CNTNAP2: variants seen among roughly 807,000 people sequenced by gnomAD.
CNTNAP2 encodes contactin-associated protein-like 2.
A neutral mutation model predicts 155.2 loss-of-function variants in CNTNAP2; 98 were observed. The observed-to-expected ratio is 0.63, with a 90% CI of 0.54 to 0.75. CNTNAP2 has a LOEUF of 0.75. CNTNAP2 is among the 30% of genes least tolerant of loss of function. CNTNAP2 has a pLI of 0.00. For missense variants in CNTNAP2, 1,727 were observed against 1,688.1 expected (o/e 1.02, Z -0.40); for synonymous variants, 651 against 631.2 (o/e 1.03, Z -0.47).
At chr7:148,285,585 T>G (rs1797066112) in intron 21 of CNTNAP2, among the ~76,000 whole-genome samples, 1 of 152,254 alleles carries the variant, frequency 6.6e-6, no homozygotes, top group Non-Finnish European at 1.5e-5. Context: ...GGCACTACAT[T>G]ATCACTAATT....
At chr7:146,830,400 A>C (rs1366803599) in intron 2 of CNTNAP2, among the ~76,000 whole-genome samples, 1 of 151,966 alleles carries the variant, frequency 6.6e-6, no homozygotes, top group East Asian at 1.9e-4. Flanking sequence ...TGGCTGTTAC[A>C]CTGTTATGTT....
At chr7:146,913,945 A>G (rs940469729) in intron 3 of CNTNAP2, among the ~76,000 whole-genome samples, 4 of 151,872 alleles carry the variant, frequency 2.6e-5, no homozygotes, top group Non-Finnish European at 4.4e-5. Flanking sequence ...CCCTTGTAAC[A>G]TTCTTATGCC....
At chr7:146,220,250 C>A (rs928528499) in intron 1 of CNTNAP2, among the ~76,000 whole-genome samples, 5 of 150,712 alleles carry the variant, frequency 3.3e-5, no homozygotes, top group Admixed American at 2.7e-4. Context: ...AAGATGTTTG[C>A]CCTTCATGAA....
At chr7:146,568,792 G>T (rs928177662) in intron 1 of CNTNAP2, among the ~76,000 whole-genome samples, 1 of 152,114 alleles carries the variant, frequency 6.6e-6, no homozygotes, top group African/African-American at 2.4e-5. Context: ...AAGCCAAACA[G>T]ACTTGTGTTT....
chr7:146,879,059 A>G (rs946936165), intron 3 of CNTNAP2, among the ~76,000 whole-genome samples: 1 of 152,302 alleles, frequency 6.6e-6, no homozygotes, highest in Middle Eastern at 3.4e-3. Context: ...GCTTGTAGTA[A>G]CTGCTCCATA....
At chr7:148,393,428 T>C (rs1252140847) in intron 22 of CNTNAP2, among the ~76,000 whole-genome samples, 1 of 152,218 alleles carries the variant, frequency 6.6e-6, no homozygotes, top group African/African-American at 2.4e-5. Flanking sequence ...AGATCCAAAT[T>C]CCACTTTTCC....
At chr7:146,768,298 A>T (rs1363382625) in intron 1 of CNTNAP2, among the ~76,000 whole-genome samples, 1 of 151,526 alleles carries the variant, frequency 6.6e-6, no homozygotes, top group Non-Finnish European at 1.5e-5. Context: ...GCAGCACAGC[A>T]GTTCCTCAAG....
chr7:147,181,365 A>T (rs910361061), intron 8 of CNTNAP2, among the ~76,000 whole-genome samples: 2 of 152,200 alleles, frequency 1.3e-5, no homozygotes, highest in Non-Finnish European at 2.9e-5. Flanking sequence ...ATTCACATAG[A>T]TATATTATTT....
chr7:146,361,001 G>A (rs543408862), intron 1 of CNTNAP2, among the ~76,000 whole-genome samples: 19 of 152,090 alleles, frequency 1.2e-4, no homozygotes, highest in African/African-American at 2.9e-4. Flanking sequence ...ATATAACATC[G>A]TGATGTTTAA....
intron 13 of CNTNAP2, among the ~76,000 whole-genome samples, chr7:147,831,193 T>A (rs572863829): frequency 6.6e-6 from 1 of 152,186 alleles, no homozygotes; most frequent in Non-Finnish European, 1.5e-5. Context: ...TAAATTATAG[T>A]GATTAATTAC....
intron 1 of CNTNAP2, among the ~76,000 whole-genome samples, chr7:146,339,127 C>T (rs577691255): frequency 6.6e-6 from 1 of 152,172 alleles, no homozygotes; most frequent in East Asian, 1.9e-4. Flanking sequence ...CTCTCTGTCT[C>T]TCTCAGTCAT....
chr7:146,785,275 A>G (rs1032664987), intron 2 of CNTNAP2, among the ~76,000 whole-genome samples: 3 of 152,130 alleles, frequency 2.0e-5, no homozygotes, highest in Non-Finnish European at 4.4e-5. Flanking sequence ...AGCGCAGCCT[A>G]TATGCTAACT....
At chr7:148,082,832 C>T (rs1803641042) in intron 15 of CNTNAP2, among the ~76,000 whole-genome samples, 1 of 152,142 alleles carries the variant, frequency 6.6e-6, no homozygotes, top group South Asian at 2.1e-4. Flanking sequence ...GTGTGTGCCA[C>T]CACGCCCAGC....
Position 147,705,669 on chromosome 7 carries a change from A to G in CNTNAP2, c.2098+66363A>G, listed in dbSNP as rs995142305. ...TAAGGTGTTGAAGTTCCCAACTATT[A>G]TCGTATTGGAGTCTATCTCTCCCTT... On this transcript the variant is annotated intron_variant, in intron 13 of 23. Transcript: ENST00000361727. 7.2e-5 allele frequency among the ~76,000 whole-genome samples: 11 copies of G among 152,270 alleles called. No homozygotes were observed. In the East Asian group the frequency reaches 2.1e-3, roughly 29 times the overall value.
At chr7:147,515,069 C>CA (rs1377640406) in intron 11 of CNTNAP2, among the ~76,000 whole-genome samples, 1 of 152,070 alleles carries the variant, frequency 6.6e-6, no homozygotes, top group Non-Finnish European at 1.5e-5. Context: ...GTTGCTCACA[C>CA]ATTTTAATCA....
At chr7:148,077,496 A>G (rs927262336) in intron 15 of CNTNAP2, among the ~76,000 whole-genome samples, 9 of 152,164 alleles carry the variant, frequency 5.9e-5, no homozygotes, top group African/African-American at 1.9e-4. Flanking sequence ...TAAGAGCTGC[A>G]TGGCACAGAC....
intron 3 of CNTNAP2, among the ~76,000 whole-genome samples, chr7:146,965,685 A>G (rs2129231651): frequency 6.6e-6 from 1 of 152,240 alleles, no homozygotes; most frequent in South Asian, 2.1e-4. Context: ...AATTAAAATG[A>G]TGATTTATAG....
At chr7:147,685,148 T>C (rs1795999767) in intron 13 of CNTNAP2, among the ~76,000 whole-genome samples, 1 of 152,038 alleles carries the variant, frequency 6.6e-6, no homozygotes. Flanking sequence ...AATTTTCCCC[T>C]GGGTCTATTT....
chr7:147,008,574 T>A (rs1481542769), intron 3 of CNTNAP2, among the ~76,000 whole-genome samples: 1 of 152,090 alleles, frequency 6.6e-6, no homozygotes, highest in Non-Finnish European at 1.5e-5. Context: ...AACAGGAGTT[T>A]TTTAAGACAT....
Sources: gnomAD v4.1 joint callset for allele counts (sites outside exome capture counted in the v4.1 genomes callset) on GRCh38, gnomAD v4.1.1 for gene constraint, MANE v1.5 for transcripts, NCBI Gene and HGNC (gene_info 2026-07-23, HGNC 2026-07-21) for gene names.